CLASP2: variants seen among roughly 807,000 people sequenced by gnomAD.
CLASP2 encodes the protein CLIP-associating protein 2.
A neutral mutation model predicts 194.4 loss-of-function variants in CLASP2; 47 were observed. The ratio of observed to expected loss-of-function variants is 0.24; its 90% CI spans 0.19 to 0.31. The LOEUF (loss-of-function observed/expected upper bound fraction) is 0.31, where lower values mean the gene tolerates loss of function less well. Among genes scored for constraint, CLASP2 ranks in the 10% least tolerant of loss-of-function variants. CLASP2 has a pLI of 1.00. For missense variants in CLASP2, 1,445 were observed against 1,823.6 expected, an observed-to-expected ratio of 0.79 and a Z score of 3.78; for synonymous variants, 619 against 633.5, an observed-to-expected ratio of 0.98 and a Z score of 0.34.
At chr3:33,581,721 T>C (rs1030713709) in intron 23 of CLASP2, 100 bp downstream of exon 23, 13 of 741,474 alleles carry the variant, frequency 1.8e-5, no homozygotes, top group South Asian at 3.6e-5. Context: ...GAGAGAAAGA[T>C]CTGTCGACAA....
At position 33,700,919 on chromosome 3, in the gene CLASP2, C is replaced by T. The variant is rs183204952; in HGVS notation, c.196-3986G>A. Among the ~76,000 whole-genome samples, 365 of 152,238 alleles carry T rather than the reference C, an allele frequency of 2.4e-3. 1 individual carries two copies. The highest frequency in any genetic ancestry group is 3.6e-3 in the Non-Finnish European group (246 of 68,008). On this transcript the variant is annotated intron_variant, in intron 1 of 38. Transcript: ENST00000682230. ...TCAACAATTGGGAATTTTCAAAATA[C>T]TGTATCATTTACAAAACTAACAACA...
intron 26 of CLASP2, among the ~76,000 whole-genome samples, chr3:33,568,701 T>C (rs1461490437): frequency 6.6e-6 from 1 of 151,972 alleles, no homozygotes; most frequent in East Asian, 1.9e-4. Context: ...CATAATTGAG[T>C]AGCTGGGATA....
intron 8 of CLASP2, among the ~76,000 whole-genome samples, chr3:33,636,359 T>C (rs527566961): frequency 6.6e-6 from 1 of 152,184 alleles, no homozygotes; most frequent in South Asian, 2.1e-4. Context: ...ATCTGACATC[T>C]ATACTGTGCT....
chr3:33,559,710 C>T (rs776402483), intron 28 of CLASP2, among the ~76,000 whole-genome samples: 1 of 152,076 alleles, frequency 6.6e-6, no homozygotes, highest in Non-Finnish European at 1.5e-5. Context: ...GCGTGACCAA[C>T]ATGGAGAAAC....
chr3:33,588,591 G>T, intron 21 of CLASP2: 1 of 578,466 alleles, frequency 1.7e-6, no homozygotes, highest in South Asian at 2.4e-5. Context: ...GCCCCAGTAT[G>T]ACTACAAATG....
At chr3:33,664,220 CT>C (rs1253187392) in intron 6 of CLASP2, among the ~76,000 whole-genome samples, 6 of 152,152 alleles carry the variant, frequency 3.9e-5, no homozygotes, top group African/African-American at 1.4e-4. Flanking sequence ...CTTTCTGATA[CT>C]TTTATATTCA....
At chr3:33,523,645 A>C (rs1434199507) in intron 34 of CLASP2, among the ~76,000 whole-genome samples, 1 of 152,226 alleles carries the variant, frequency 6.6e-6, no homozygotes, top group East Asian at 1.9e-4. Context: ...ACAGATCTCA[A>C]TAAACGTAAA....
intron 27 of CLASP2, among the ~76,000 whole-genome samples, chr3:33,565,339 C>T (rs975156789): frequency 2.0e-5 from 3 of 151,924 alleles, no homozygotes; most frequent in East Asian, 2.0e-4. Context: ...CCACCACACT[C>T]GGCTAATTTT....
rs1160230334 is a variant in CLASP2, at chr3:33,511,719, A to AGTCTCTCACTT, written c.4111-956_4111-955insAAGTGAGAGAC. ...TCTTAAGAACACGTAAAAATAAAAC[A>AGTCTCTCACTT]AACAACCCCATCAAAAAGTGGGCGA... is the stretch of plus-strand genomic sequence containing the variant. On this transcript the variant is annotated intron_variant, in intron 36 of 38. Transcript: ENST00000682230. 7.5e-5 allele frequency among the ~76,000 whole-genome samples: 5 copies of AGTCTCTCACTT among 66,296 alleles called. 2 individuals are homozygous for AGTCTCTCACTT. Among genetic ancestry groups the AGTCTCTCACTT allele is most frequent in the Non-Finnish European group, 6.4e-5 (2 of 31,332 alleles). 43.5% of individuals were successfully genotyped at this position (66,296 alleles called of 152,430 possible). A position where few individuals can be genotyped will look rare whatever the true frequency, so the allele number is the denominator to read the frequency against.
intron 7 of CLASP2, among the ~76,000 whole-genome samples, chr3:33,655,387 GT>G (rs2083969875): frequency 6.6e-6 from 1 of 152,112 alleles, no homozygotes; most frequent in Non-Finnish European, 1.5e-5. Flanking sequence ...ACACAGGATG[GT>G]TGTACAACAC....
At chr3:33,574,422 G>A in intron 24 of CLASP2, 6 of 1,189,460 alleles carry the variant, frequency 5.0e-6, no homozygotes, top group Admixed American at 5.7e-5. Context: ...ATTGATGAAA[G>A]AAAAAAAAGT....
intron 18 of CLASP2, among the ~76,000 whole-genome samples, chr3:33,601,945 T>G (rs1166946162): frequency 6.6e-6 from 1 of 152,206 alleles, no homozygotes; most frequent in African/African-American, 2.4e-5. Context: ...TTTTGAAATA[T>G]GTGCATTCAT....
chr3:33,679,667 A>G (rs1276677989), intron 6 of CLASP2, among the ~76,000 whole-genome samples: 1 of 152,218 alleles, frequency 6.6e-6, no homozygotes, highest in Non-Finnish European at 1.5e-5. Context: ...AGGGAAATGC[A>G]AAATTAAAAC....
chr3:33,577,412 C>T, intron 23 of CLASP2: 2 of 584,244 alleles, frequency 3.4e-6, no homozygotes, highest in Non-Finnish European at 5.9e-6. Flanking sequence ...GGCAATGGAA[C>T]ATTAGCATTG....
chr3:33,607,757 ATAAAT>A (rs1477100792), intron 14 of CLASP2, among the ~76,000 whole-genome samples: 1 of 152,170 alleles, frequency 6.6e-6, no homozygotes, highest in African/African-American at 2.4e-5. Context: ...TTAATTTTTA[ATAAAT>A]TAGAGAAAAA....
chr3:33,545,014 T>C (rs1314684352), intron 30 of CLASP2, 173 bp from the exon 31 acceptor site: 10 of 459,572 alleles, frequency 2.2e-5, no homozygotes, highest in African/African-American at 8.1e-5. Context: ...AAAAAAAATA[T>C]TGACCTACCT....
chr3:33,667,406 C>CAAAAAAAAAA (rs537846651), intron 6 of CLASP2, among the ~76,000 whole-genome samples: 3,367 of 44,018 alleles, frequency 0.076, 485 homozygotes, highest in Non-Finnish European at 0.085. Context: ...GAGACTATCT[C>CAAAAAAAAAA]AAAAAAAAAA....
At chr3:33,610,994 C>T (rs972131344) in intron 13 of CLASP2, among the ~76,000 whole-genome samples, 1 of 152,078 alleles carries the variant, frequency 6.6e-6, no homozygotes, top group East Asian at 1.9e-4. Context: ...TTATTGTTGG[C>T]GATAGTGGTG....
chr3:33,628,311 A>AC (rs1388392338), intron 9 of CLASP2, among the ~76,000 whole-genome samples: 1 of 151,830 alleles, frequency 6.6e-6, no homozygotes, highest in East Asian at 1.9e-4. Context: ...TCTTCACAAT[A>AC]CCCCTCTGCC....
Sources: allele counts gnomAD v4.1 joint callset (sites outside exome capture counted in the v4.1 genomes callset), GRCh38; gene constraint gnomAD v4.1.1; transcripts MANE v1.5; gene names NCBI Gene and HGNC (gene_info 2026-07-23, HGNC 2026-07-21).